Variants in LRRTM3 observed in about 807,000 individuals in gnomAD.
LRRTM3 encodes the protein leucine-rich repeat transmembrane neuronal protein 3.
A neutral mutation model predicts 44.7 loss-of-function variants in LRRTM3; 24 were observed. That is an observed-to-expected ratio of 0.54 (90% CI 0.39 to 0.76). LRRTM3 has a LOEUF of 0.76. Ranked by LOEUF, LRRTM3 falls within the 30% of genes least tolerant of loss-of-function variation. LRRTM3 has a pLI of 0.00. For missense variants in LRRTM3, 587 were observed against 702.2 expected (o/e 0.84, Z 1.85); for synonymous variants, 277 against 278.7 (o/e 0.99, Z 0.06).
chr10:67,096,152 C>T (rs537434797), intron 2 of LRRTM3, among the ~76,000 whole-genome samples: 60 of 151,286 alleles, frequency 4.0e-4, no homozygotes, highest in Non-Finnish European at 7.1e-4. Context: ...TTTTATATGC[C>T]GAAATATTCA....
intron 2 of LRRTM3, among the ~76,000 whole-genome samples, chr10:67,021,508 T>C (rs1397421920): frequency 2.6e-5 from 4 of 152,016 alleles, no homozygotes; most frequent in African/African-American, 7.2e-5. Flanking sequence ...CATTAAAAAA[T>C]CCTAGATGTC....
intron 2 of LRRTM3, among the ~76,000 whole-genome samples, chr10:66,968,359 T>A (rs115525844): frequency 0.026 from 3,836 of 149,344 alleles, 155 homozygotes; most frequent in African/African-American, 0.089. Flanking sequence ...TATATATATA[T>A]AAAACACATC....
rs188729234 is a variant in LRRTM3 at position 67,067,609 on chromosome 10, A to C, written c.1537-29978A>C. Among the ~76,000 whole-genome samples the C allele has an allele frequency of 4.6e-5, 7 of 152,354 alleles. No individual in the cohort carries two copies. In the East Asian group the frequency reaches 1.3e-3, roughly 29 times the overall value. On this transcript the variant is annotated intron_variant, in intron 2 of 2. Coordinates refer to ENST00000361320, the MANE Select transcript of LRRTM3 (RefSeq NM_178011.5). ...TCCCCAAGCTTATCTAATAAAAAGA[A>C]TCTCCTAGCTTTTTCCTTAGAGTAC...
Position 67,099,893 on chromosome 10 carries a change from TA to T in LRRTM3, c.*2098del, listed in dbSNP as rs1462940308. 2 of 151,778 alleles carry T rather than the reference TA, an allele frequency of 1.3e-5. No individual in the cohort carries two copies. Among genetic ancestry groups the T allele is most frequent in the African/African-American group, 2.4e-5 (1 of 41,402 alleles). The allele number at this position is 151,778 out of a possible 1,614,324, so 9.4% of individuals were successfully genotyped here. A position where few individuals can be genotyped will look rare whatever the true frequency, so the allele number is the denominator to read the frequency against. On this transcript the variant is annotated 3_prime_UTR_variant, in exon 3 of 3. Coordinates refer to ENST00000361320, the MANE Select transcript of LRRTM3 (RefSeq NM_178011.5). ...ACATTGAAATTTGGCTTTACGTCGT[TA>T]GCAAATTTATAAAGGGTTATAAAGC... is the stretch of plus-strand genomic sequence containing the variant.
At chr10:67,019,660 G>A (rs776116284) in intron 2 of LRRTM3, among the ~76,000 whole-genome samples, 1 of 152,130 alleles carries the variant, frequency 6.6e-6, no homozygotes, top group Non-Finnish European at 1.5e-5. Flanking sequence ...TATAGCTGGG[G>A]CTCAAAGTCA....
intron 2 of LRRTM3, among the ~76,000 whole-genome samples, chr10:66,947,605 A>G (rs527688028): frequency 1.0e-3 from 156 of 152,294 alleles, no homozygotes; most frequent in Non-Finnish European, 1.8e-3. Context: ...CCAGAGACTA[A>G]TAAGTTTCTA....
intron 2 of LRRTM3, among the ~76,000 whole-genome samples, chr10:66,964,911 T>C (rs1209628946): frequency 6.6e-6 from 1 of 152,218 alleles, no homozygotes; most frequent in Non-Finnish European, 1.5e-5. Flanking sequence ...AACCTGTGTT[T>C]AGAAACATTT....
intron 2 of LRRTM3, among the ~76,000 whole-genome samples, chr10:66,933,651 C>T (rs575692836): frequency 2.0e-5 from 3 of 152,214 alleles, no homozygotes; most frequent in East Asian, 3.9e-4. Flanking sequence ...AGACTGTGCC[C>T]AAGATCTCCT....
At chr10:67,054,871 C>T (rs1014637142) in intron 2 of LRRTM3, 3 of 152,148 alleles carry the variant, frequency 2.0e-5, no homozygotes, top group Non-Finnish European at 4.4e-5. Context: ...CCAAGAGATC[C>T]TGTTAGTACA....
rs537133319 is a variant in LRRTM3 at position 66,973,326 on chromosome 10, G to A, written c.1536+44874G>A. Among the ~76,000 whole-genome samples, 20 of 152,142 alleles carry A rather than the reference G, an allele frequency of 1.3e-4. No individual in the cohort carries two copies. In the South Asian group the frequency reaches 3.9e-3, roughly 30 times the overall value. Reference sequence around the variant, plus strand: ...AATTTCATAATATTCATTGTACTAGGACTTTCCACATTTTTGATATGACGC... The same window carrying A: ...AATTTCATAATATTCATTGTACTAGAACTTTCCACATTTTTGATATGACGC... On this transcript the variant is annotated intron_variant, in intron 2 of 2. Coordinates refer to ENST00000361320, the MANE Select transcript of LRRTM3 (RefSeq NM_178011.5).
At chr10:66,956,138 T>A (rs1170461237) in intron 2 of LRRTM3, among the ~76,000 whole-genome samples, 1 of 151,888 alleles carries the variant, frequency 6.6e-6, no homozygotes, top group Non-Finnish European at 1.5e-5. Flanking sequence ...CTTGTTAGCC[T>A]TCATATTTCC....
rs76855151 is a variant in LRRTM3 at position 66,935,011 on chromosome 10, G to C, written c.1536+6559G>C. Reference sequence around the variant, plus strand: ...CAGTATCATGAGGCTATGCTACCTTGAGTGGTGTTCATAGCTTCAACTGGG... The same window carrying C: ...CAGTATCATGAGGCTATGCTACCTTCAGTGGTGTTCATAGCTTCAACTGGG... On this transcript the variant is annotated intron_variant, in intron 2 of 2. Coordinates refer to ENST00000361320, the MANE Select transcript of LRRTM3 (RefSeq NM_178011.5). 5.6e-3 allele frequency among the ~76,000 whole-genome samples: 846 copies of C among 152,178 alleles called. 9 individuals are homozygous for C. The highest frequency in any genetic ancestry group is 0.019 in the African/African-American group (801 of 41,552).
intron 2 of LRRTM3, among the ~76,000 whole-genome samples, chr10:67,079,214 C>T: frequency 6.6e-6 from 1 of 152,124 alleles, no homozygotes. Flanking sequence ...AACTTATGAG[C>T]ACACGCTGTG....
At chr10:67,085,321 G>T (rs371917680) in intron 2 of LRRTM3, among the ~76,000 whole-genome samples, 3 of 150,868 alleles carry the variant, frequency 2.0e-5, no homozygotes, top group African/African-American at 7.3e-5. Flanking sequence ...AGAAACAAAA[G>T]AAATACTACA....
At chr10:66,946,434 G>T (rs1848280125) in intron 2 of LRRTM3, among the ~76,000 whole-genome samples, 1 of 152,054 alleles carries the variant, frequency 6.6e-6, no homozygotes, top group African/African-American at 2.4e-5. Context: ...GTGCACATAT[G>T]GTCAATGTAC....
Position 66,927,323 on chromosome 10 carries a change from G to T in LRRTM3, c.407G>T (p.Arg136Leu), listed in dbSNP as rs1278032151. 1 of 1,613,900 alleles carries T rather than the reference G, an allele frequency of 6.2e-7. No homozygotes were observed. Among genetic ancestry groups the T allele is most frequent in the African/African-American group, 1.3e-5 (1 of 74,876 alleles). ...NNTFRPVTNL[R>L]NLDLSYNQLH... is the part of the protein sequence containing the mutation. ...ACCTTCAGACCTGTGACAAATTTAC[G>T]GAACTTGGATCTGTCCTATAATCAG... is the stretch of plus-strand genomic sequence containing the variant. Residue 136 changes from arginine (R) to leucine (L), a missense_variant, in exon 2 of 3, where the codon CGG (arginine) becomes CTG (leucine). Transcript: ENST00000361320. The surrounding 1 kb of genome is among the most constrained non-coding windows in gnomAD (Gnocchi z 4.7).
chr10:67,036,065 C>T (rs1854031992), intron 2 of LRRTM3, among the ~76,000 whole-genome samples: 1 of 152,184 alleles, frequency 6.6e-6, no homozygotes. Context: ...CCTCTTTAGG[C>T]ATGACCTTAT....
chr10:67,072,228 A>T (rs1176719199), intron 2 of LRRTM3, among the ~76,000 whole-genome samples: 1 of 152,222 alleles, frequency 6.6e-6, no homozygotes, highest in East Asian at 1.9e-4. Flanking sequence ...TGCTGGGATT[A>T]TAGGCATAAG....
chr10:67,033,449 T>C (rs1393810197), intron 2 of LRRTM3, among the ~76,000 whole-genome samples: 1 of 152,176 alleles, frequency 6.6e-6, no homozygotes, highest in Non-Finnish European at 1.5e-5. Context: ...TATGTATCAA[T>C]ACTTGGTCAG....
Sources: allele counts gnomAD v4.1 joint callset (sites outside exome capture counted in the v4.1 genomes callset), GRCh38; gene constraint gnomAD v4.1.1; non-coding constraint Gnocchi (gnomAD v3.1); transcripts MANE v1.5; gene names NCBI Gene and HGNC (gene_info 2026-07-23, HGNC 2026-07-21).